The following ECM2 variants were observed in gnomAD, a reference collection of about 807,000 sequenced individuals.
The protein encoded by ECM2 is extracellular matrix protein 2, female organ and adipocyte specific.
ECM2 carries 57 observed loss-of-function variants against 67.5 expected under a neutral mutation model. The observed-to-expected ratio is 0.84, with a 90% CI of 0.68 to 1.05. ECM2 has a LOEUF of 1.05. Ranked by LOEUF, ECM2 falls within the 50% of genes least tolerant of loss-of-function variation. The pLI, the probability that ECM2 is intolerant of heterozygous loss-of-function variation, is 0.00. For synonymous variants in ECM2, 258 were observed against 294.5 expected, an observed-to-expected ratio of 0.88 and a Z score of 1.27; for missense variants, 741 against 822.8, an observed-to-expected ratio of 0.90 and a Z score of 1.22.
intron 1 of ECM2, among the ~76,000 whole-genome samples, chr9:92,534,269 G>A (rs1226414970): frequency 6.6e-6 from 1 of 152,128 alleles, no homozygotes; most frequent in Non-Finnish European, 1.5e-5. Context: ...CAAGGGAGTT[G>A]GTGAGAGGGG....
At chr9:92,494,070 C>G (rs1028613197), downstream of ECM2, 2 of 1,596,684 alleles carry the variant, frequency 1.3e-6, no homozygotes, top group Non-Finnish European at 1.7e-6. Context: ...GTTTGATTTC[C>G]TGCTTATTGC....
chr9:92,503,863 T>G (rs182906748), intron 7 of ECM2, among the ~76,000 whole-genome samples: 3 of 152,380 alleles, frequency 2.0e-5, no homozygotes, highest in Admixed American at 6.5e-5. Context: ...TGTTGAAAAC[T>G]CTGCAGCTGT....
chr9:92,557,464 T>C, the ECM2 span, among the ~76,000 whole-genome samples: 33 of 152,344 alleles, frequency 2.2e-4, no homozygotes, highest in South Asian at 6.6e-3. Context: ...CAATTATTCT[T>C]AGGTTTGGTC....
intron 1 of ECM2, among the ~76,000 whole-genome samples, chr9:92,532,015 G>GGT (rs1848796284): frequency 1.0e-5 from 1 of 95,736 alleles, no homozygotes. Flanking sequence ...TTTATTTAAT[G>GGT]TTTTTTTTTT....
intron 1 of ECM2, among the ~76,000 whole-genome samples, chr9:92,533,325 AAAAATATATATATAT>A (rs1848953716): frequency 2.1e-5 from 2 of 93,132 alleles, no homozygotes; most frequent in African/African-American, 8.4e-5. Flanking sequence ...AAAAAAAAAA[AAAAATATATATATAT>A]ATATATATAT....
In ECM2 at chr9:92,522,737, A is replaced by G. The variant is rs756198518; in HGVS notation, c.130T>C (p.Ser44Pro). The G allele has an allele frequency of 1.2e-6, 2 of 1,614,150 alleles. No homozygotes were observed. Among genetic ancestry groups the G allele is most frequent in the South Asian group, 2.2e-5 (2 of 91,086 alleles). The stretch of plus-strand genomic sequence containing the variant: ...TGTCTGTTTGATCTGTGCTTGTGTG[A>G]GGTTGAACTTTTCCTCAACCTTCTG... The part of the protein sequence containing the change: ...YHRRLRKSST[S>P]HKHRSNRQLG... Residue 44 changes from serine (S) to proline (P), a missense_variant, in exon 2 of 10, where the codon TCA (serine) becomes CCA (proline). Physicochemically the swap from Ser to Pro is moderately conservative, Grantham distance 74. Transcript: ENST00000344604.
chr9:92,546,853 A>G, the ECM2 span, among the ~76,000 whole-genome samples: 12 of 152,192 alleles, frequency 7.9e-5, no homozygotes, highest in Admixed American at 1.3e-4. Flanking sequence ...GTCTATAACT[A>G]TTGAGGATAT....
chr9:92,509,770 C>G (rs1847224078), intron 6 of ECM2, 129 bp downstream of exon 6: 1 of 1,008,740 alleles, frequency 9.9e-7, no homozygotes, highest in African/African-American at 1.7e-5. Flanking sequence ...GTTTTATCAA[C>G]TCAAATGGTT....
chr9:92,540,774 A>C (rs1204293107), upstream of ECM2, among the ~76,000 whole-genome samples: 1 of 152,132 alleles, frequency 6.6e-6, no homozygotes, highest in Non-Finnish European at 1.5e-5. Context: ...CTGTCTCAAA[A>C]AAAAAAAAAT....
chr9:92,532,006 TTATTTAATGTTTTTTTTTTTTTATTTTA>T, intron 1 of ECM2, among the ~76,000 whole-genome samples: 1 of 145,570 alleles, frequency 6.9e-6, no homozygotes, highest in East Asian at 1.9e-4. Context: ...TTTTCTTTTT[TTATTTAATGTTTTTTTTTTTTTATTTTA>T]TTTTTTTTTT....
the ECM2 span, among the ~76,000 whole-genome samples, chr9:92,546,148 C>T: frequency 1.3e-5 from 2 of 152,248 alleles, no homozygotes; most frequent in Admixed American, 6.5e-5. Flanking sequence ...ACTTGGAGAA[C>T]TTCTGTGTCT....
upstream of ECM2, among the ~76,000 whole-genome samples, chr9:92,537,249 G>A (rs551302503): frequency 3.9e-5 from 6 of 152,196 alleles, no homozygotes; most frequent in South Asian, 1.2e-3. Flanking sequence ...TTTAAATGAC[G>A]TGGTTAGACT....
chr9:92,509,601 C>T (rs1330647240), intron 6 of ECM2, among the ~76,000 whole-genome samples: 1 of 152,146 alleles, frequency 6.6e-6, no homozygotes, highest in Non-Finnish European at 1.5e-5. Flanking sequence ...GAATATTTAG[C>T]GTAATTCTTC....
rs76297691 is a variant in ECM2 at position 92,516,072 on chromosome 9, T to TCCC, written c.482-872_482-870dup. Among the ~76,000 whole-genome samples the TCCC allele has an allele frequency of 3.2e-4, 45 of 139,808 alleles. 1 individual carries two copies. The highest frequency in any genetic ancestry group is 7.0e-5 in the Admixed American group (1 of 14,240). The allele number at this position is 139,808 out of a possible 152,430, so 91.7% of individuals were successfully genotyped here. A position where few individuals can be genotyped will look rare whatever the true frequency, so the allele number is the denominator to read the frequency against. ...TGATTTCACAGTGCATACTTTTTTT[T>TCCC]CCCCCCCCCGAGACGGAGTCTTGCT... On this transcript the variant is annotated intron_variant, in intron 3 of 9. Transcript: ENST00000344604.
chr9:92,552,212 CA>C, the ECM2 span, among the ~76,000 whole-genome samples: 97 of 150,718 alleles, frequency 6.4e-4, 2 homozygotes, highest in South Asian at 4.8e-3. Context: ...CACACACACA[CA>C]CACCCCACAG....
the ECM2 span, among the ~76,000 whole-genome samples, chr9:92,544,144 C>A: frequency 1.3e-5 from 2 of 150,998 alleles, no homozygotes; most frequent in Non-Finnish European, 3.0e-5. Flanking sequence ...AGCTTTTCAT[C>A]GTTAAGCATG....
At position 92,535,929 on chromosome 9, in the gene ECM2, T is replaced by C. The variant is rs759968158; in HGVS notation, c.-28+4A>G. ...TAGAAACTTAAAATTTAAAACTTTT[T>C]TACCTGGAGATCTAAACTAAGTAGG... On this transcript the variant is annotated splice_donor_region_variant and intron_variant, in intron 1 of 9. Transcript: ENST00000344604. 1 of 470,952 alleles carries C rather than the reference T, an allele frequency of 2.1e-6. No individual in the cohort carries two copies. Among genetic ancestry groups the C allele is most frequent in the Non-Finnish European group, 4.0e-6 (1 of 247,414 alleles). The allele number at this position is 470,952 out of a possible 1,614,324, so 29.2% of individuals were successfully genotyped here. A position where few individuals can be genotyped will look rare whatever the true frequency, so the allele number is the denominator to read the frequency against.
At chr9:92,511,286 C>G (rs1213478802) in intron 5 of ECM2, among the ~76,000 whole-genome samples, 1 of 151,978 alleles carries the variant, frequency 6.6e-6, no homozygotes, top group African/African-American at 2.4e-5. Context: ...CCACCACGCT[C>G]GGCTAATTTT....
At chr9:92,501,663 G>A (rs968769078) in intron 8 of ECM2, among the ~76,000 whole-genome samples, 5 of 152,136 alleles carry the variant, frequency 3.3e-5, no homozygotes, top group Non-Finnish European at 5.9e-5. Context: ...TCTGCCCCAC[G>A]CCCTCTTTTC....
Sources: allele counts gnomAD v4.1 joint callset (sites outside exome capture counted in the v4.1 genomes callset), GRCh38; gene constraint gnomAD v4.1.1; transcripts MANE v1.5; gene names NCBI Gene and HGNC (gene_info 2026-07-23, HGNC 2026-07-21).